Variants in PDE1C observed in about 807,000 individuals in gnomAD.
PDE1C encodes the protein phosphodiesterase 1C.
A neutral mutation model predicts 93.1 loss-of-function variants in PDE1C; 62 were observed. The observed-to-expected ratio is 0.67, with a 90% CI of 0.54 to 0.82. The LOEUF is 0.82. Ranked by LOEUF, PDE1C falls within the 40% of genes least tolerant of loss-of-function variation. The pLI is 0.00. For synonymous variants in PDE1C, 325 were observed against 310.1 expected (o/e 1.05, Z -0.50); for missense variants, 742 against 884.6 (o/e 0.84, Z 2.04).
rs1792831547 is a variant in PDE1C, at chr7:31,847,907, C to G, written c.980+61G>C. On this transcript the variant is annotated intron_variant, in intron 9 of 17. Transcript: ENST00000396191. ...GTGTTCTTTTCTCAAAAACAGCATA[C>G]TTCATCCAACTTCAAAGTTCCTTCC... The G allele has an allele frequency of 4.4e-6, 7 of 1,575,586 alleles. No homozygotes were observed. In the Admixed American group the frequency reaches 1.2e-4, roughly 26 times the overall value.
chr7:32,209,414 A>T (rs1805844429), intron 2 of PDE1C: 1 of 1,185,600 alleles, frequency 8.4e-7, no homozygotes, highest in African/African-American at 1.6e-5. Flanking sequence ...GAAGAGCTAT[A>T]CCGCATGGGG....
At chr7:32,057,789 G>A (rs1794313544) in intron 1 of PDE1C, among the ~76,000 whole-genome samples, 1 of 152,168 alleles carries the variant, frequency 6.6e-6, no homozygotes, top group Admixed American at 6.5e-5. Flanking sequence ...TTGATGGCTA[G>A]GAGTTCCCAG....
chr7:32,147,304 G>GAAAGAAAGAAA (rs1554513858), intron 3 of PDE1C, among the ~76,000 whole-genome samples: 4,638 of 142,410 alleles, frequency 0.033, 144 homozygotes, highest in Middle Eastern at 0.068. Flanking sequence ...AAGAAAGAAA[G>GAAAGAAAGAAA]AAAGAAAGAA....
chr7:32,292,367 C>T (rs1812388805), intron 1 of PDE1C, among the ~76,000 whole-genome samples: 1 of 152,032 alleles, frequency 6.6e-6, no homozygotes, highest in South Asian at 2.1e-4. Flanking sequence ...GACTAAAACT[C>T]TATGAAGTAA....
intron 2 of PDE1C, among the ~76,000 whole-genome samples, chr7:32,029,772 T>A (rs1024242092): frequency 1.3e-5 from 2 of 152,118 alleles, no homozygotes; most frequent in African/African-American, 4.8e-5. Context: ...GCAATGAACA[T>A]TGATTACATG....
the PDE1C span, among the ~76,000 whole-genome samples, chr7:31,714,964 T>A: frequency 6.6e-6 from 1 of 151,998 alleles, no homozygotes; most frequent in Non-Finnish European, 1.5e-5. Flanking sequence ...GGGCAGGGGG[T>A]GCTGTCCTTT....
At chr7:31,985,711 G>C (rs1461213625) in intron 2 of PDE1C, among the ~76,000 whole-genome samples, 1 of 151,996 alleles carries the variant, frequency 6.6e-6, no homozygotes, top group Non-Finnish European at 1.5e-5. Flanking sequence ...CGAGAATGAT[G>C]GTTTCCAGCT....
chr7:31,998,365 A>G (rs542438230), intron 2 of PDE1C, among the ~76,000 whole-genome samples: 1 of 152,306 alleles, frequency 6.6e-6, no homozygotes, highest in East Asian at 1.9e-4. Context: ...GGAAAAATGA[A>G]TGCATGCATT....
At chr7:32,335,965 C>T (rs1411297876) in intron 1 of PDE1C, among the ~76,000 whole-genome samples, 1 of 152,104 alleles carries the variant, frequency 6.6e-6, no homozygotes, top group African/African-American at 2.4e-5. Context: ...CCTGGGCTTA[C>T]AGGCATGAGT....
chr7:31,618,055 A>G, the PDE1C span, among the ~76,000 whole-genome samples: 1 of 152,180 alleles, frequency 6.6e-6, no homozygotes, highest in East Asian at 1.9e-4. Context: ...TAAAGAAGCC[A>G]AGAGATGACA....
At chr7:31,877,459 G>A (rs547277102) in intron 5 of PDE1C, among the ~76,000 whole-genome samples, 206 of 152,136 alleles carry the variant, frequency 1.4e-3, no homozygotes, top group Non-Finnish European at 2.3e-3. Flanking sequence ...ATACGTTCAT[G>A]CAGTAAAACA....
chr7:32,233,202 T>A (rs370226405), intron 1 of PDE1C, among the ~76,000 whole-genome samples: 1 of 152,022 alleles, frequency 6.6e-6, no homozygotes, highest in Non-Finnish European at 1.5e-5. Flanking sequence ...GAGTGAAACA[T>A]TATAGGTGAA....
At chr7:32,170,767 T>TC (rs1279741048) in intron 2 of PDE1C, among the ~76,000 whole-genome samples, 3 of 151,830 alleles carry the variant, frequency 2.0e-5, no homozygotes, top group African/African-American at 7.3e-5. Context: ...CGCCCCACTC[T>TC]CCCCCAACCC....
chr7:31,879,582 G>A (rs1433364017), intron 3 of PDE1C, among the ~76,000 whole-genome samples: 1 of 152,224 alleles, frequency 6.6e-6, no homozygotes, highest in Non-Finnish European at 1.5e-5. Context: ...ACTTTGCAAA[G>A]TATTTACCAA....
At chr7:32,184,690 C>T (rs1803716307) in intron 2 of PDE1C, among the ~76,000 whole-genome samples, 1 of 152,058 alleles carries the variant, frequency 6.6e-6, no homozygotes, top group Non-Finnish European at 1.5e-5. Flanking sequence ...GGAGATATAC[C>T]TAATGTTAAA....
intron 3 of PDE1C, among the ~76,000 whole-genome samples, chr7:32,151,581 T>C (rs1212867901): frequency 6.6e-6 from 1 of 152,190 alleles, no homozygotes; most frequent in Non-Finnish European, 1.5e-5. Context: ...TGATCATACA[T>C]GCAACAACAT....
intron 2 of PDE1C, among the ~76,000 whole-genome samples, chr7:32,171,924 A>C (rs989512303): frequency 6.7e-6 from 1 of 148,436 alleles, no homozygotes; most frequent in East Asian, 1.9e-4. Context: ...CAGATGTACC[A>C]TGCTAAGGTA....
chr7:31,945,931 T>G (rs555562940), intron 2 of PDE1C, among the ~76,000 whole-genome samples: 2 of 152,332 alleles, frequency 1.3e-5, no homozygotes, highest in East Asian at 3.9e-4. Context: ...AGTTTACTGA[T>G]TCTTTCCTTG....
chr7:31,768,927 C>T (rs1795309801), intron 17 of PDE1C, among the ~76,000 whole-genome samples: 1 of 152,100 alleles, frequency 6.6e-6, no homozygotes, highest in Admixed American at 6.5e-5. Flanking sequence ...TCCTGAGTAG[C>T]CGGGACCACA....
Sources: allele counts gnomAD v4.1 joint callset (sites outside exome capture counted in the v4.1 genomes callset), GRCh38; gene constraint gnomAD v4.1.1; transcripts MANE v1.5; gene names NCBI Gene and HGNC (gene_info 2026-07-23, HGNC 2026-07-21).